Variants in LMNB1 observed in about 807,000 individuals in gnomAD.
LMNB1 encodes lamin-B1.
In LMNB1, 23 loss-of-function variants were observed where a neutral mutation model predicts 67.1. The ratio of observed to expected loss-of-function variants is 0.34; its 90% CI spans 0.25 to 0.49. LMNB1 has a LOEUF of 0.49. LMNB1 is among the 20% of genes least tolerant of loss of function. The probability of loss-of-function intolerance (pLI) is 0.99; values close to 1 mark genes in which losing one functional copy is unlikely to be tolerated. For missense variants in LMNB1, 634 were observed against 746.5 expected, an observed-to-expected ratio of 0.85 and a Z score of 1.76; for synonymous variants, 281 against 282.9, an observed-to-expected ratio of 0.99 and a Z score of 0.07.
upstream of LMNB1, chr5:126,777,048 G>C (rs1352000580): frequency 6.4e-6 from 1 of 155,580 alleles, no homozygotes; most frequent in African/African-American, 2.4e-5. Context: ...GGCCATGTTG[G>C]GGAGTGCGGC....
intron 1 of LMNB1, among the ~76,000 whole-genome samples, chr5:126,794,251 G>T (rs746983801): frequency 4.6e-5 from 7 of 152,106 alleles, no homozygotes; most frequent in Non-Finnish European, 1.0e-4. Context: ...AGTTATATTT[G>T]TTTTAATTTC....
intron 1 of LMNB1, among the ~76,000 whole-genome samples, chr5:126,785,364 T>G (rs544898404): frequency 2.0e-5 from 3 of 150,974 alleles, no homozygotes; most frequent in East Asian, 3.9e-4. Flanking sequence ...CGATCTCAGC[T>G]CACTACAGCC....
At chr5:126,799,402 A>G (rs144688423) in intron 1 of LMNB1, among the ~76,000 whole-genome samples, 16 of 152,346 alleles carry the variant, frequency 1.1e-4, no homozygotes, top group Admixed American at 3.3e-4. Context: ...TGTGGAGTTA[A>G]AGGGCTCACA....
Position 126,826,011 on chromosome 5 carries a change from C to T in LMNB1, c.1515C>T (p.Val505=). 6.2e-7 allele frequency: 1 copy of T among 1,613,938 alleles called. No homozygotes were observed. Among genetic ancestry groups the T allele is most frequent in the Non-Finnish European group, 8.5e-7 (1 of 1,179,908 alleles). ...AGATTTGGGCTGCAAACGCTGGTGTCACAGCCAGCCCCCCAACTGACCTCA... is the reference window on the plus strand; with the variant it reads ...AGATTTGGGCTGCAAACGCTGGTGTTACAGCCAGCCCCCCAACTGACCTCA... The part of the protein sequence containing the change: ...TVTIWAANAG[V]TASPPTDLIW... Residue 505 remains valine, a synonymous_variant, in exon 9 of 11, where the codon GTC becomes GTT. Transcript: ENST00000261366.
chr5:126,784,309 G>A lies in LMNB1; in HGVS notation c.359+6442G>A, dbSNP rs532971238. The stretch of plus-strand genomic sequence containing the variant: ...CTCCCAAAGTGCGGGGATTACAGGC[G>A]TGAGCCACCGCACCTGGCCGGCTGT... On this transcript the variant is annotated intron_variant, in intron 1 of 10. Transcript: ENST00000261366. 5.0e-3 allele frequency among the ~76,000 whole-genome samples: 753 copies of A among 151,596 alleles called. 12 individuals carry two copies. The highest frequency in any genetic ancestry group is 0.017 in the African/African-American group (720 of 41,312).
chr5:126,790,084 A>T (rs1280193171), intron 1 of LMNB1, among the ~76,000 whole-genome samples: 2 of 151,704 alleles, frequency 1.3e-5, no homozygotes, highest in African/African-American at 4.8e-5. Flanking sequence ...GATTACAGAC[A>T]TGAGCCACTG....
Position 126,810,252 on chromosome 5 carries a change from G to A in LMNB1, c.715G>A (p.Glu239Lys). Residue 239 changes from glutamate to lysine, a missense_variant, in exon 4 of 11, where the codon GAG becomes AAG. By Grantham distance (56) the Glu-to-Lys change is moderately conservative. Transcript: ENST00000261366. ...EVDSGRQIEY[E>K]YKLAQALHEM... ...GGATTCTGGGCGTCAAATTGAGTAT[G>A]AGTACAAGCTGGCGCAAGCCCTTCA... 1 of 1,614,044 alleles carries A rather than the reference G, an allele frequency of 6.2e-7. No homozygotes were observed.
At chr5:126,820,846 T>TG in intron 6 of LMNB1, 64 bp from the exon 7 acceptor site, 1 of 1,274,846 alleles carries the variant, frequency 7.8e-7, no homozygotes. Context: ...TTTGTTTTTT[T>TG]TTTTTTTAAG....
chr5:126,801,588 A>G (rs1487752297), intron 1 of LMNB1, among the ~76,000 whole-genome samples: 1 of 152,226 alleles, frequency 6.6e-6, no homozygotes, highest in Admixed American at 6.5e-5. Context: ...GTAGTATGAC[A>G]TCTTGAGTTT....
At chr5:126,791,490 T>TA (rs1476897103) in intron 1 of LMNB1, among the ~76,000 whole-genome samples, 3 of 152,062 alleles carry the variant, frequency 2.0e-5, no homozygotes, top group Admixed American at 6.6e-5. Flanking sequence ...GATAGGGTCT[T>TA]ACCCTTGCCC....
chr5:126,788,482 C>A (rs1443624287), intron 1 of LMNB1, among the ~76,000 whole-genome samples: 3 of 152,062 alleles, frequency 2.0e-5, no homozygotes, highest in African/African-American at 7.2e-5. Flanking sequence ...ACTAAAAATG[C>A]AAAAATTAGC....
intron 1 of LMNB1, among the ~76,000 whole-genome samples, chr5:126,782,070 CCATCACTCAACACTTTAAACA>C (rs1451834530): frequency 6.6e-6 from 1 of 152,138 alleles, no homozygotes; most frequent in African/African-American, 2.4e-5. Flanking sequence ...ATGATGAATG[CCATCACTCAACACTTTAAACA>C]AAAAGTACAG....
At chr5:126,834,866 ACT>A (rs1460377631) in intron 10 of LMNB1, among the ~76,000 whole-genome samples, 1 of 151,984 alleles carries the variant, frequency 6.6e-6, no homozygotes, top group African/African-American at 2.4e-5. Context: ...ACAGAGTGAG[ACT>A]CTGCCTCATA....
Position 126,822,354 on chromosome 5 carries a change from GGACAGATGCAGAAGGAAAAT to G in LMNB1, c.1387-419_1387-400del, listed in dbSNP as rs561794375. Among the ~76,000 whole-genome samples the G allele has an allele frequency of 9.5e-3, 1,439 of 152,242 alleles. 7 individuals carry two copies. The highest frequency in any genetic ancestry group is 0.016 in the Non-Finnish European group (1,057 of 68,012). Reference sequence around the variant, plus strand: ...TGAGAGCTGAATGTGGGCAGAAGTGGGACAGATGCAGAAGGAAAATGACAGATTTTCTTCTGTTTCTAAGC... The same window carrying G: ...TGAGAGCTGAATGTGGGCAGAAGTGGGACAGATTTTCTTCTGTTTCTAAGC... On this transcript the variant is annotated intron_variant, in intron 7 of 10. Transcript: ENST00000261366.
rs548538954 is a variant in LMNB1 at position 126,805,994 on chromosome 5, C to T, written c.642+298C>T. Among the ~76,000 whole-genome samples the T allele has an allele frequency of 6.6e-5, 10 of 152,238 alleles. No homozygotes were observed. In the South Asian group the frequency reaches 8.3e-4, roughly 13 times the overall value. ...TTTTTGAGACGGAGTCTTGCTCTGC[C>T]GCCAGGCTGGAGTACAGTGGCACGA... is the stretch of plus-strand genomic sequence containing the variant. On this transcript the variant is annotated intron_variant, in intron 3 of 10. Coordinates refer to ENST00000261366, the MANE Select transcript of LMNB1 (RefSeq NM_005573.4).
At chr5:126,830,281 G>A (rs72780213) in intron 9 of LMNB1, among the ~76,000 whole-genome samples, 15 of 152,210 alleles carry the variant, frequency 9.9e-5, no homozygotes, top group South Asian at 2.1e-4. Context: ...CCCAAGGCTC[G>A]CAGCAGGGGC....
Position 126,777,876 on chromosome 5 carries a change from T to C in LMNB1, c.359+9T>C, listed in dbSNP as rs765333856. 2.2e-6 allele frequency: 3 copies of C among 1,387,452 alleles called. No individual in the cohort carries two copies. Among genetic ancestry groups the C allele is most frequent in the Admixed American group, 6.4e-5 (2 of 31,124 alleles). 85.9% of individuals were successfully genotyped at this position (1,387,452 alleles called of 1,614,324 possible). On this transcript the variant is annotated intron_variant, in intron 1 of 10. Coordinates refer to ENST00000261366, the MANE Select transcript of LMNB1 (RefSeq NM_005573.4). The stretch of plus-strand genomic sequence containing the variant: ...GACCAGCTGCTCCTCAAGTGAGTGC[T>C]AGCTGGCGGCCGCGTTAGCGCCAAG...
intron 9 of LMNB1, among the ~76,000 whole-genome samples, chr5:126,829,371 T>G (rs1203250655): frequency 6.6e-6 from 1 of 151,884 alleles, no homozygotes; most frequent in Non-Finnish European, 1.5e-5. Context: ...TCTATTTGCT[T>G]TTTGTGGGAA....
intron 7 of LMNB1, 71 bp downstream of exon 7, chr5:126,821,206 C>A: frequency 2.0e-6 from 2 of 994,160 alleles, no homozygotes; most frequent in Non-Finnish European, 3.2e-6. Flanking sequence ...ATTGTCATAG[C>A]TCCTTAGTTT....
Sources: allele counts gnomAD v4.1 joint callset (sites outside exome capture counted in the v4.1 genomes callset), GRCh38; gene constraint gnomAD v4.1.1; transcripts MANE v1.5; gene names NCBI Gene and HGNC (gene_info 2026-07-23, HGNC 2026-07-21).